Variants in ANKRD46 observed in about 807,000 individuals in gnomAD.
The protein encoded by ANKRD46 is ankyrin repeat domain 46.
ANKRD46 carries 13 observed loss-of-function variants against 19.8 expected under a neutral mutation model. The ratio of observed to expected loss-of-function variants is 0.66; its 90% confidence interval spans 0.43 to 1.04. The LOEUF is 1.04. ANKRD46 is among the 50% of genes least tolerant of loss of function. ANKRD46 has a pLI of 0.00. For synonymous variants in ANKRD46, 91 were observed against 106.9 expected, an observed-to-expected ratio of 0.85 and a Z score of 0.92; for missense variants, 185 against 274.8, an observed-to-expected ratio of 0.67 and a Z score of 2.31.
intron 3 of ANKRD46, among the ~76,000 whole-genome samples, chr8:100,528,290 C>A (rs1474608676): frequency 6.6e-6 from 1 of 152,176 alleles, no homozygotes; most frequent in Admixed American, 6.5e-5. Flanking sequence ...AAACACGTCC[C>A]CCACCTCCAG....
Position 100,522,563 on chromosome 8 carries a change from C to G in ANKRD46, c.679G>C (p.Val227Leu). ...ATCTTCCATGAGCTCCTTTAATGCACCAGTTCAGGCTGGTTTTCCACGAAG... is the reference window on the plus strand; with the variant it reads ...ATCTTCCATGAGCTCCTTTAATGCAGCAGTTCAGGCTGGTTTTCCACGAAG... Reference protein sequence around the residue: ...LPFVENQPELVH With the variant: ...LPFVENQPELLH Residue 227 changes from valine to leucine, a missense_variant, in exon 5 of 5, where the codon GTG becomes CTG. Coordinates refer to ENST00000335659, the MANE Select transcript of ANKRD46 (RefSeq NM_001270377.2). The G allele has an allele frequency of 6.2e-7, 1 of 1,614,060 alleles. No homozygotes were observed. The highest frequency in any genetic ancestry group is 8.5e-7 in the Non-Finnish European group (1 of 1,180,000).
At chr8:100,535,347 A>AT (rs1812044037) in intron 1 of ANKRD46, among the ~76,000 whole-genome samples, 1 of 152,188 alleles carries the variant, frequency 6.6e-6, no homozygotes, top group African/African-American at 2.4e-5. Context: ...TTTTGAGATA[A>AT]TTATAAATTC....
chr8:100,543,227 C>T lies in ANKRD46; in HGVS notation c.-130-9916G>A, dbSNP rs1018859347. 2.0e-5 allele frequency among the ~76,000 whole-genome samples: 3 copies of T among 152,142 alleles called. No homozygotes were observed. The highest frequency in any genetic ancestry group is 7.2e-5 in the African/African-American group (3 of 41,446). ...CCAGGAAATGTCTTTAATAAACAGG[C>T]TTTGTTTGTTTAGACACTGTCAATT... On this transcript the variant is annotated intron_variant, in intron 1 of 4. Transcript: ENST00000335659. This position sits in a 1 kb window ranked among gnomAD's most constrained non-coding sequence, Gnocchi z 4.2.
At position 100,522,270 on chromosome 8, in the gene ANKRD46, C is replaced by T; in HGVS notation, c.*285G>A. 1.7e-6 allele frequency: 2 copies of T among 1,182,446 alleles called. No individual in the cohort carries two copies. The highest frequency in any genetic ancestry group is 2.7e-5 in the South Asian group (1 of 37,572). The allele number at this position is 1,182,446 out of a possible 1,614,324, so 73.2% of individuals were successfully genotyped here. The stretch of plus-strand genomic sequence containing the variant: ...CTTCCTAGCTTCTTCCTTTATCTTC[C>T]ATTCTCTAGTCACTTCCGTGTTTTT... On this transcript the variant is annotated 3_prime_UTR_variant, in exon 5 of 5. Transcript: ENST00000335659.
chr8:100,521,574 A>G lies in ANKRD46; in HGVS notation c.*981T>C. The G allele has an allele frequency of 1.0e-6, 1 of 985,466 alleles. No homozygotes were observed. The highest frequency in any genetic ancestry group is 1.2e-6 in the Non-Finnish European group (1 of 829,928). 61.0% of individuals were successfully genotyped at this position (985,466 alleles called of 1,614,324 possible). A position where few individuals can be genotyped will look rare whatever the true frequency, so the allele number is the denominator to read the frequency against. The stretch of plus-strand genomic sequence containing the variant: ...CAGAAATGCTCCATCCATTCTTGCC[A>G]TCAGAGAATTACAGATATGGATGGG... On this transcript the variant is annotated 3_prime_UTR_variant, in exon 5 of 5. Transcript: ENST00000335659.
chr8:100,554,002 G>T, intron 1 of ANKRD46, among the ~76,000 whole-genome samples: 1 of 152,138 alleles, frequency 6.6e-6, no homozygotes, highest in Non-Finnish European at 1.5e-5. Context: ...TTAATTGATT[G>T]TATTCAGAAT....
At position 100,521,803 on chromosome 8, in the gene ANKRD46, T is replaced by G. The variant is rs1811728993; in HGVS notation, c.*752A>C. On this transcript the variant is annotated 3_prime_UTR_variant, in exon 5 of 5. Transcript: ENST00000335659. ...AAGGATTTTCTGACTGTAATTCTGATGAACTGTTATCTTTGATGACTAGGA... is the reference window on the plus strand; with the variant it reads ...AAGGATTTTCTGACTGTAATTCTGAGGAACTGTTATCTTTGATGACTAGGA... 3 of 985,278 alleles carry G rather than the reference T, an allele frequency of 3.0e-6. No homozygotes were observed. The African/African-American group carries it at 5.2e-5, about 17-fold the overall frequency. 61.0% of individuals were successfully genotyped at this position (985,278 alleles called of 1,614,324 possible). A position where few individuals can be genotyped will look rare whatever the true frequency, so the allele number is the denominator to read the frequency against.
At chr8:100,535,109 A>G (rs2130669962) in intron 1 of ANKRD46, among the ~76,000 whole-genome samples, 1 of 152,376 alleles carries the variant, frequency 6.6e-6, no homozygotes, top group African/African-American at 2.4e-5. Flanking sequence ...AAGAAAATAC[A>G]CTTGAACAAA....
intron 1 of ANKRD46, among the ~76,000 whole-genome samples, chr8:100,553,586 T>C (rs1406160045): frequency 1.3e-5 from 2 of 152,190 alleles, no homozygotes; most frequent in East Asian, 3.9e-4. Context: ...CCGTCTCCAC[T>C]AAAAATACAA....
rs935498113 is a variant in ANKRD46 at position 100,557,755 on chromosome 8, G to T, written c.-131+1956C>A. On this transcript the variant is annotated intron_variant, in intron 1 of 4. Transcript: ENST00000335659. This position sits in a 1 kb window ranked among gnomAD's most constrained non-coding sequence, Gnocchi z 5.9. ...GGGTTCTGGGCTTTTGCCCTTGCTT[G>T]GTATGCTCTTTCCCTAGACAGCTGC... Among the ~76,000 whole-genome samples, 3 of 152,022 alleles carry T rather than the reference G, an allele frequency of 2.0e-5. No individual in the cohort carries two copies. The highest frequency in any genetic ancestry group is 4.8e-5 in the African/African-American group (2 of 41,386).
At position 100,524,929 on chromosome 8, in the gene ANKRD46, TG is replaced by T. The variant is rs1370155873; in HGVS notation, c.471-2159del. Among the ~76,000 whole-genome samples the T allele has an allele frequency of 6.6e-6, 1 of 152,156 alleles. No homozygotes were observed. The highest frequency in any genetic ancestry group is 2.1e-4 in the South Asian group (1 of 4,822). On this transcript the variant is annotated intron_variant, in intron 4 of 4. Transcript: ENST00000335659. The surrounding 1 kb of genome is among the most constrained non-coding windows in gnomAD (Gnocchi z 4.3). ...AAAAACGTGATATCTACACTGTCTT[TG>T]GGGGGTGTGTTTGCATGTATCTTTT... is the stretch of plus-strand genomic sequence containing the variant.
At chr8:100,541,836 T>C (rs756505283) in intron 1 of ANKRD46, among the ~76,000 whole-genome samples, 1 of 152,198 alleles carries the variant, frequency 6.6e-6, no homozygotes, top group Non-Finnish European at 1.5e-5. Context: ...TACTATAACT[T>C]TTCTATGTTT....
chr8:100,517,795 T>C (rs1183980848), downstream of ANKRD46, among the ~76,000 whole-genome samples: 1 of 152,230 alleles, frequency 6.6e-6, no homozygotes, highest in Non-Finnish European at 1.5e-5. Flanking sequence ...GGTGTTTTAA[T>C]CAGATACTGG....
In ANKRD46 at chr8:100,524,564, GGGAATCTACAACACCACAGTAATTTT is replaced by G. The variant is rs1438047302; in HGVS notation, c.471-1819_471-1794del. Among the ~76,000 whole-genome samples the G allele has an allele frequency of 6.6e-6, 1 of 151,518 alleles. No homozygotes were observed. The highest frequency in any genetic ancestry group is 1.5e-5 in the Non-Finnish European group (1 of 67,946). ...CTGAATAAGAGATGATGTTTTCAGT[GGGAATCTACAACACCACAGTAATTTT>G]GGAACACTTGACAGCAAGTTTAAAA... On this transcript the variant is annotated intron_variant, in intron 4 of 4. Coordinates refer to ENST00000335659, the MANE Select transcript of ANKRD46 (RefSeq NM_001270377.2). The surrounding 1 kb of genome is among the most constrained non-coding windows in gnomAD (Gnocchi z 4.3).
rs1753120221 is a variant in ANKRD46 at position 100,534,447 on chromosome 8, A to C, written c.-130-1136T>G. 1.3e-5 allele frequency among the ~76,000 whole-genome samples: 2 copies of C among 152,228 alleles called. No individual in the cohort carries two copies. The highest frequency in any genetic ancestry group is 6.5e-5 in the Admixed American group (1 of 15,288). ...CACAGTATCAATTTAGACGAACTTC[A>C]TATCACGGAGCCACTTACCTTGATT... is the stretch of plus-strand genomic sequence containing the variant. On this transcript the variant is annotated intron_variant, in intron 1 of 4. Transcript: ENST00000335659. The surrounding 1 kb of genome is among the most constrained non-coding windows in gnomAD (Gnocchi z 4.2).
rs1217408862 is a variant in ANKRD46, at chr8:100,529,582, G to A, written c.252C>T (p.Leu84=). 9 of 1,614,146 alleles carry A rather than the reference G, an allele frequency of 5.6e-6. No individual in the cohort carries two copies. The Admixed American group carries it at 8.3e-5, about 15-fold the overall frequency. ...TDYQGNTALH[L]CGHVDTIQFL... is the part of the protein sequence containing the mutation. ...ATTGGATAGTATCCACATGGCCACA[G>A]AGGTGAAGAGCTGTGTTTCCTTGAT... is the stretch of plus-strand genomic sequence containing the variant. The change falls in exon 3 of 5, where the codon CTC becomes CTT. Residue 84 remains leucine, a synonymous_variant. Transcript: ENST00000335659. The surrounding 1 kb of genome is among the most constrained non-coding windows in gnomAD (Gnocchi z 5.8).
rs1727235108 is a variant in ANKRD46, at chr8:100,536,293, T to C, written c.-130-2982A>G. ...AGGTGGGAAAAGTAGCGGGGAGAGATATGTGATAGTCTGACTCTCCTGAAA... is the reference window on the plus strand; with the variant it reads ...AGGTGGGAAAAGTAGCGGGGAGAGACATGTGATAGTCTGACTCTCCTGAAA... On this transcript the variant is annotated intron_variant, in intron 1 of 4. Coordinates refer to ENST00000335659, the MANE Select transcript of ANKRD46 (RefSeq NM_001270377.2). This position sits in a 1 kb window ranked among gnomAD's most constrained non-coding sequence, Gnocchi z 4.9. Among the ~76,000 whole-genome samples, 1 of 151,748 alleles carries C rather than the reference T, an allele frequency of 6.6e-6. No individual in the cohort carries two copies. Among genetic ancestry groups the C allele is most frequent in the African/African-American group, 2.4e-5 (1 of 41,254 alleles).
At chr8:100,541,043 T>C (rs1036803151) in intron 1 of ANKRD46, among the ~76,000 whole-genome samples, 16 of 150,000 alleles carry the variant, frequency 1.1e-4, no homozygotes, top group African/African-American at 3.5e-4. Flanking sequence ...GTGAGAAGTC[T>C]GTACCTCCGA....
At position 100,510,275 on chromosome 8, in the gene ANKRD46, T is replaced by C. The variant is rs16898460; in HGVS notation, c.*302A>G. On this transcript the variant is annotated 3_prime_UTR_variant, in exon 6 of 6. Transcript: ENST00000520552. The surrounding 1 kb of genome is among the most constrained non-coding windows in gnomAD (Gnocchi z 4.9). ...AGCCTTTTGTTCAAGATCAAATGGA[T>C]GTGATTTGCCTTGTGGAGGTGGCAT... 0.063 allele frequency: 20,967 copies of C among 331,972 alleles called. 866 individuals are homozygous for C. Among genetic ancestry groups the C allele is most frequent in the Non-Finnish European group, 0.073 (13,318 of 182,598 alleles). 20.6% of individuals were successfully genotyped at this position (331,972 alleles called of 1,614,324 possible).
Sources: allele counts gnomAD v4.1 joint callset (sites outside exome capture counted in the v4.1 genomes callset), GRCh38; gene constraint gnomAD v4.1.1; non-coding constraint Gnocchi (gnomAD v3.1); transcripts MANE v1.5; gene names NCBI Gene and HGNC (gene_info 2026-07-23, HGNC 2026-07-21).